Variants in ARMC10 observed in about 807,000 individuals in gnomAD.
ARMC10 encodes the protein armadillo repeat-containing protein 10.
In ARMC10, 23 loss-of-function variants were observed where a neutral mutation model predicts 30.2. The ratio of observed to expected loss-of-function variants is 0.76; its 90% CI spans 0.55 to 1.08. The LOEUF (loss-of-function observed/expected upper bound fraction) is 1.08. Among genes scored for constraint, ARMC10 ranks in the 50% least tolerant of loss-of-function variants. The pLI is 0.00. For synonymous variants in ARMC10, 111 were observed against 164.4 expected (o/e 0.68, Z 2.48); for missense variants, 303 against 413.7 (o/e 0.73, Z 2.32).
rs151325875 is a variant in ARMC10, at chr7:103,083,686, C to T, written c.249C>T (p.Asp83=). The change falls in exon 3 of 7, where the codon GAC becomes GAT. Residue 83 remains aspartate, a synonymous_variant. Coordinates refer to ENST00000323716, the MANE Select transcript of ARMC10 (RefSeq NM_031905.5). ...SQWSKTSQPE[D]LTDGSYDDVL... is the part of the protein sequence containing the mutation. ...AATAACTTTCTTCTTATGCAGAAGACTTAACTGATGGTTCATATGATGATG... is the reference window on the plus strand; with the variant it reads ...AATAACTTTCTTCTTATGCAGAAGATTTAACTGATGGTTCATATGATGATG... 429 of 1,608,416 alleles carry T rather than the reference C, an allele frequency of 2.7e-4. 2 individuals are homozygous for T. Among genetic ancestry groups the T allele is most frequent in the Admixed American group, 1.5e-3 (87 of 58,312 alleles).
chr7:103,076,499 CTT>C (rs1327794325), intron 2 of ARMC10, among the ~76,000 whole-genome samples: 2 of 152,174 alleles, frequency 1.3e-5, no homozygotes, highest in African/African-American at 2.4e-5. Context: ...TTAAGAAAGT[CTT>C]TCTTGGGCTG....
Position 103,097,472 on chromosome 7 carries a change from T to C in ARMC10, c.777+124T>C, listed in dbSNP as rs995049882. On this transcript the variant is annotated intron_variant, in intron 6 of 6. Coordinates refer to ENST00000323716, the MANE Select transcript of ARMC10 (RefSeq NM_031905.5). ...TCTCTCTGAGGAGCAGTATTAAAGG[T>C]GGTTTTTTAAATTCATTTTGTATGT... The C allele has an allele frequency of 1.3e-5, 8 of 623,780 alleles. 1 individual carries two copies. Among genetic ancestry groups the C allele is most frequent in the Middle Eastern group, 7.2e-4 (2 of 2,784 alleles). The allele number at this position is 623,780 out of a possible 1,614,324, so 38.6% of individuals were successfully genotyped here.
rs1247822904 is a variant in ARMC10, at chr7:103,075,288, G to A, written c.16G>A (p.Gly6Ser). The change falls in exon 1 of 7, where the codon GGC becomes AGC. Residue 6 changes from glycine to serine, a missense_variant. By Grantham distance (56) the Gly-to-Ser change is moderately conservative (BLOSUM62 0). This residue lies in a region of ARMC10 where 11 missense variants were observed against 27.6 expected (regional missense o/e 0.40). Transcript: ENST00000323716. MGGPR[G>S]AGWVAAGLLL... Reference sequence around the variant, plus strand: ...CGGCGGCAGCATGGGTGGCCCCCGGGGCGCGGGCTGGGTGGCGGCGGGCCT... The same window carrying A: ...CGGCGGCAGCATGGGTGGCCCCCGGAGCGCGGGCTGGGTGGCGGCGGGCCT... The A allele has an allele frequency of 8.2e-7, 1 of 1,222,932 alleles. No individual in the cohort carries two copies. Among genetic ancestry groups the A allele is most frequent in the Non-Finnish European group, 1.0e-6 (1 of 981,774 alleles). The allele number at this position is 1,222,932 out of a possible 1,614,324, so 75.8% of individuals were successfully genotyped here.
At chr7:103,097,128 GAGA>G (rs1801820601) in intron 5 of ARMC10, 146 bp from the exon 6 acceptor site, 1 of 674,496 alleles carries the variant, frequency 1.5e-6, no homozygotes, top group Non-Finnish European at 2.6e-6. Flanking sequence ...AGAATGAACG[GAGA>G]AGGTTTCCTG....
intron 4 of ARMC10, among the ~76,000 whole-genome samples, chr7:103,091,671 A>C (rs1801341601): frequency 8.6e-6 from 1 of 116,662 alleles, no homozygotes; most frequent in Non-Finnish European, 1.9e-5. Context: ...GGTACTTATT[A>C]CTATGATACA....
intron 3 of ARMC10, 93 bp from the exon 4 acceptor site, chr7:103,086,537 T>A (rs1800870097): frequency 1.5e-6 from 2 of 1,369,436 alleles, no homozygotes; most frequent in African/African-American, 3.2e-5. Context: ...AAGCCGTTGA[T>A]TTTTAATTGT....
chr7:103,075,743 G>A, intron 1 of ARMC10, 34 bp from the exon 2 acceptor site: 1 of 1,489,826 alleles, frequency 6.7e-7, no homozygotes, highest in Non-Finnish European at 9.1e-7. Context: ...GGCTGTTGAG[G>A]GGCCCAGAGC....
At chr7:103,079,278 G>A (rs1800165662) in intron 2 of ARMC10, among the ~76,000 whole-genome samples, 5 of 151,878 alleles carry the variant, frequency 3.3e-5, no homozygotes, top group Admixed American at 3.3e-4. Context: ...GCCACATGAT[G>A]ACCTCATAAT....
At chr7:103,080,489 A>G (rs1380176951) in intron 2 of ARMC10, among the ~76,000 whole-genome samples, 2 of 151,812 alleles carry the variant, frequency 1.3e-5, no homozygotes, top group Non-Finnish European at 2.9e-5. Flanking sequence ...TCCTGACCTC[A>G]GCTTATCTGC....
chr7:103,086,883 T>A, intron 4 of ARMC10, 119 bp downstream of exon 4: 1 of 1,530,168 alleles, frequency 6.5e-7, no homozygotes, highest in Non-Finnish European at 8.8e-7. Flanking sequence ...GGATTACCTT[T>A]AGAGGAATGG....
chr7:103,079,739 T>C (rs1199438869), intron 2 of ARMC10, among the ~76,000 whole-genome samples: 2 of 152,246 alleles, frequency 1.3e-5, no homozygotes, highest in Admixed American at 1.3e-4. Flanking sequence ...GCAGTAACAA[T>C]TCAAAATTTT....
chr7:103,092,698 T>C, intron 5 of ARMC10, 45 bp downstream of exon 5: 1 of 1,372,794 alleles, frequency 7.3e-7, no homozygotes, highest in Non-Finnish European at 9.8e-7. Flanking sequence ...TGAAATAGTA[T>C]TTGCAGGCCA....
chr7:103,097,145 TAG>T, intron 5 of ARMC10, 130 bp from the exon 6 acceptor site: 2 of 727,852 alleles, frequency 2.7e-6, no homozygotes, highest in East Asian at 5.1e-5. Flanking sequence ...TTTCCTGGAG[TAG>T]AGAGAATTTG....
At chr7:103,080,361 GCTTCTAC>G (rs1027820612) in intron 2 of ARMC10, among the ~76,000 whole-genome samples, 5 of 150,176 alleles carry the variant, frequency 3.3e-5, no homozygotes, top group Admixed American at 1.3e-4. Context: ...TTCAAGTGAT[GCTTCTAC>G]CTCGGCCACC....
At chr7:103,080,953 G>A (rs1427246669) in intron 2 of ARMC10, among the ~76,000 whole-genome samples, 3 of 152,136 alleles carry the variant, frequency 2.0e-5, no homozygotes, top group Non-Finnish European at 4.4e-5. Flanking sequence ...ATACTAGGAG[G>A]AATAATGGTT....
At chr7:103,089,980 G>A (rs1423806711) in intron 4 of ARMC10, among the ~76,000 whole-genome samples, 2 of 152,162 alleles carry the variant, frequency 1.3e-5, no homozygotes, top group Admixed American at 6.5e-5. Flanking sequence ...AAAGAAAAAT[G>A]TAAGTAAAAC....
At chr7:103,087,245 C>T (rs1800940248) in intron 4 of ARMC10, among the ~76,000 whole-genome samples, 1 of 152,162 alleles carries the variant, frequency 6.6e-6, no homozygotes, top group Admixed American at 6.5e-5. Flanking sequence ...AGTGTTAAGT[C>T]ACTGTATGCT....
Position 103,098,279 on chromosome 7 carries a change from C to T in ARMC10, c.778-20C>T. On this transcript the variant is annotated intron_variant, in intron 6 of 6. Transcript: ENST00000323716. The stretch of plus-strand genomic sequence containing the variant: ...CATATATTATTAATATAAAATAATA[C>T]TCATTGTTTCATATTTCAGGTGGAT... 2 of 1,415,008 alleles carry T rather than the reference C, an allele frequency of 1.4e-6. No homozygotes were observed. The highest frequency in any genetic ancestry group is 1.8e-6 in the Non-Finnish European group (2 of 1,081,500). 87.7% of individuals were successfully genotyped at this position (1,415,008 alleles called of 1,614,324 possible). A position where few individuals can be genotyped will look rare whatever the true frequency, so the allele number is the denominator to read the frequency against.
At chr7:103,082,703 C>G (rs1800491343) in intron 2 of ARMC10, among the ~76,000 whole-genome samples, 1 of 152,102 alleles carries the variant, frequency 6.6e-6, no homozygotes, top group South Asian at 2.1e-4. Flanking sequence ...TAACCTCCTC[C>G]TCACCTACCC....
Sources: allele counts gnomAD v4.1 joint callset (sites outside exome capture counted in the v4.1 genomes callset), GRCh38; gene constraint gnomAD v4.1.1; regional missense constraint gnomAD v4.1.1; transcripts MANE v1.5; gene names NCBI Gene and HGNC (gene_info 2026-07-23, HGNC 2026-07-21).